Variants in ANKS1B observed in about 807,000 individuals in gnomAD.
ANKS1B encodes the protein ankyrin repeat and sterile alpha motif domain containing 1B.
ANKS1B carries 36 observed loss-of-function variants against 148.3 expected under a neutral mutation model. The observed-to-expected ratio is 0.24, with a 90% CI of 0.19 to 0.32. The LOEUF is 0.32. ANKS1B is among the 10% of genes least tolerant of loss of function. The pLI, the probability that ANKS1B is intolerant of heterozygous loss-of-function variation, is 1.00. For synonymous variants in ANKS1B, 542 were observed against 560.8 expected, an observed-to-expected ratio of 0.97 and a Z score of 0.47; for missense variants, 1,157 against 1,542.6, an observed-to-expected ratio of 0.75 and a Z score of 4.19.
chr12:99,726,041 G>T (rs2058584295), intron 8 of ANKS1B, among the ~76,000 whole-genome samples: 1 of 152,112 alleles, frequency 6.6e-6, no homozygotes, highest in Non-Finnish European at 1.5e-5. Flanking sequence ...AAGCTAGAAA[G>T]ATCTCAAATC....
chr12:99,731,698 A>G (rs1050893018), intron 8 of ANKS1B, among the ~76,000 whole-genome samples: 5 of 152,172 alleles, frequency 3.3e-5, no homozygotes, highest in Admixed American at 1.3e-4. Flanking sequence ...GAGTCAAACT[A>G]TTAAACTTCT....
Position 99,212,770 on chromosome 12 carries a change from T to G in ANKS1B, c.2419+31572A>C, listed in dbSNP as rs80302023. ...AACACTTGCAGGCCTAGAGCTGGAC[T>G]TGTATACCTTGAGACTTCCCTGCTA... On this transcript the variant is annotated intron_variant, in intron 14 of 26. Transcript: ENST00000683438. 3.6e-3 allele frequency among the ~76,000 whole-genome samples: 549 copies of G among 152,326 alleles called. 8 individuals are homozygous for G. The highest frequency in any genetic ancestry group is 3.0e-3 in the Non-Finnish European group (201 of 68,032).
intron 8 of ANKS1B, among the ~76,000 whole-genome samples, chr12:99,679,067 G>C (rs1161773540): frequency 6.6e-6 from 1 of 152,180 alleles, no homozygotes; most frequent in African/African-American, 2.4e-5. Context: ...AAGTAATTTT[G>C]TGTTTTAGAA....
At chr12:98,954,830 A>G (rs1284943642) in intron 17 of ANKS1B, among the ~76,000 whole-genome samples, 24 of 152,178 alleles carry the variant, frequency 1.6e-4, no homozygotes. Context: ...TATTCTGTCA[A>G]CAGACTAAAA....
chr12:99,367,807 TTGTA>T (rs1377161309), intron 12 of ANKS1B, among the ~76,000 whole-genome samples: 5 of 134,546 alleles, frequency 3.7e-5, no homozygotes, highest in African/African-American at 1.6e-4. Flanking sequence ...TGTGTGTGTG[TTGTA>T]AAAAGAAAAT....
chr12:99,432,937 T>C (rs1319072309), intron 11 of ANKS1B, among the ~76,000 whole-genome samples: 2 of 152,170 alleles, frequency 1.3e-5, no homozygotes. Context: ...GTCATGCTTC[T>C]TTACTTTCAG....
chr12:99,477,706 T>A (rs115041126), intron 10 of ANKS1B, among the ~76,000 whole-genome samples: 1 of 152,216 alleles, frequency 6.6e-6, no homozygotes, highest in Non-Finnish European at 1.5e-5. Flanking sequence ...TTAAAATATA[T>A]GTATCCTTTC....
intron 25 of ANKS1B, among the ~76,000 whole-genome samples, chr12:98,753,171 C>T (rs184386618): frequency 2.6e-5 from 4 of 152,354 alleles, no homozygotes; most frequent in Admixed American, 2.0e-4. Context: ...TTCAATCAGT[C>T]CTTTTCTCAA....
At chr12:99,306,981 T>C (rs1324228535) in intron 12 of ANKS1B, among the ~76,000 whole-genome samples, 1 of 152,084 alleles carries the variant, frequency 6.6e-6, no homozygotes, top group Non-Finnish European at 1.5e-5. Context: ...CCCAGGTTTG[T>C]AGCATCCACA....
intron 17 of ANKS1B, among the ~76,000 whole-genome samples, chr12:98,946,274 G>C (rs2099845379): frequency 6.6e-6 from 1 of 152,194 alleles, no homozygotes. Flanking sequence ...TGAAGTAACT[G>C]TCCTAGAAGA....
chr12:99,064,283 C>T (rs2043355323), intron 16 of ANKS1B, among the ~76,000 whole-genome samples: 1 of 152,180 alleles, frequency 6.6e-6, no homozygotes, highest in Non-Finnish European at 1.5e-5. Context: ...AAGGTCTATT[C>T]CAGAGAGGGC....
intron 12 of ANKS1B, among the ~76,000 whole-genome samples, chr12:99,392,557 T>A (rs1269068048): frequency 1.3e-5 from 2 of 152,240 alleles, no homozygotes; most frequent in Non-Finnish European, 2.9e-5. Flanking sequence ...TTACCCAAGG[T>A]AGTTGACTTG....
At chr12:99,638,467 A>T (rs2098266293) in intron 9 of ANKS1B, among the ~76,000 whole-genome samples, 1 of 152,330 alleles carries the variant, frequency 6.6e-6, no homozygotes, top group Middle Eastern at 3.4e-3. Context: ...TAGCAAAGAG[A>T]CTGGTAGCAT....
intron 15 of ANKS1B, among the ~76,000 whole-genome samples, chr12:99,122,982 T>C (rs2063279408): frequency 2.9e-5 from 2 of 69,000 alleles, no homozygotes; most frequent in African/African-American, 1.2e-4. Flanking sequence ...AATAAATCAG[T>C]AAAATTAAAA....
intron 8 of ANKS1B, among the ~76,000 whole-genome samples, chr12:99,728,437 G>A (rs1323161395): frequency 1.3e-5 from 2 of 152,272 alleles, no homozygotes; most frequent in African/African-American, 4.8e-5. Context: ...ACTGTCTCAT[G>A]CCAGTCAGAA....
rs549481777 is a variant in ANKS1B, at chr12:98,890,970, G to A, written c.2779-58834C>T. Among the ~76,000 whole-genome samples, 40 of 152,304 alleles carry A rather than the reference G, an allele frequency of 2.6e-4. 1 individual carries two copies. The highest frequency in any genetic ancestry group is 8.4e-4 in the African/African-American group (35 of 41,570). On this transcript the variant is annotated intron_variant, in intron 17 of 26. Coordinates refer to ENST00000683438, the MANE Select transcript of ANKS1B (RefSeq NM_001352186.2). ...AGGTGATAGAATATGGTAAAGTTGC[G>A]TATCTAGGAAAATCTCAATGTAGTC...
intron 12 of ANKS1B, among the ~76,000 whole-genome samples, chr12:99,273,385 G>A (rs907672853): frequency 1.3e-5 from 2 of 152,048 alleles, no homozygotes; most frequent in African/African-American, 4.8e-5. Flanking sequence ...CGCACAATTA[G>A]ATAAATGTCA....
At chr12:99,355,946 A>C (rs970723482) in intron 12 of ANKS1B, among the ~76,000 whole-genome samples, 1 of 152,124 alleles carries the variant, frequency 6.6e-6, no homozygotes, top group African/African-American at 2.4e-5. Context: ...AATTATAATA[A>C]AATTATTAAA....
intron 15 of ANKS1B, among the ~76,000 whole-genome samples, chr12:99,127,668 G>A (rs1269461431): frequency 3.9e-5 from 6 of 152,198 alleles, no homozygotes; most frequent in African/African-American, 9.7e-5. Flanking sequence ...ACCAAGGGCC[G>A]TGTAGTTTTG....
Sources: allele counts gnomAD v4.1 joint callset (sites outside exome capture counted in the v4.1 genomes callset), GRCh38; gene constraint gnomAD v4.1.1; transcripts MANE v1.5; gene names NCBI Gene and HGNC (gene_info 2026-07-23, HGNC 2026-07-21).